The following CNTN5 variants were observed in gnomAD, a reference collection of about 807,000 sequenced individuals.
CNTN5 encodes contactin-5.
CNTN5 carries 77 observed loss-of-function variants against 129.1 expected under a neutral mutation model. That is an observed-to-expected ratio of 0.60 (90% confidence interval 0.50 to 0.72). The LOEUF is 0.72. CNTN5 is among the 30% of genes least tolerant of loss of function. The probability of loss-of-function intolerance (pLI) is 0.00; values close to 1 mark genes in which losing one functional copy is unlikely to be tolerated. For synonymous variants in CNTN5, 509 were observed against 465.6 expected, an observed-to-expected ratio of 1.09 and a Z score of -1.20; for missense variants, 1,478 against 1,328.8, an observed-to-expected ratio of 1.11 and a Z score of -1.75.
chr11:99,275,482 A>G (rs916800913), intron 1 of CNTN5, among the ~76,000 whole-genome samples: 8 of 151,694 alleles, frequency 5.3e-5, no homozygotes, highest in African/African-American at 1.5e-4. Flanking sequence ...AAACCTACCA[A>G]TGAAGTGATT....
At chr11:99,721,750 T>C (rs918922204) in intron 3 of CNTN5, among the ~76,000 whole-genome samples, 2 of 152,112 alleles carry the variant, frequency 1.3e-5, no homozygotes, top group Non-Finnish European at 2.9e-5. Flanking sequence ...AAAGGTCCAA[T>C]ATCCAGCATT....
At chr11:99,445,519 G>A (rs1944026673) in intron 2 of CNTN5, among the ~76,000 whole-genome samples, 1 of 152,088 alleles carries the variant, frequency 6.6e-6, no homozygotes, top group Non-Finnish European at 1.5e-5. Context: ...CTTACTTAGT[G>A]CTGGGCATGT....
chr11:99,035,292 G>C (rs1279659231), intron 1 of CNTN5, among the ~76,000 whole-genome samples: 1 of 149,902 alleles, frequency 6.7e-6, no homozygotes, highest in Non-Finnish European at 1.5e-5. Context: ...AGGTCCGCTT[G>C]GTGCAGAGCT....
At chr11:100,179,464 T>C (rs1022256267) in intron 13 of CNTN5, among the ~76,000 whole-genome samples, 54 of 152,072 alleles carry the variant, frequency 3.6e-4, no homozygotes, top group African/African-American at 1.3e-3. Context: ...TGGTACACAA[T>C]AGTATAAAAC....
intron 6 of CNTN5, among the ~76,000 whole-genome samples, chr11:99,859,935 G>T (rs1294165336): frequency 6.6e-6 from 1 of 152,118 alleles, no homozygotes; most frequent in East Asian, 1.9e-4. Flanking sequence ...TTTCCTCAGT[G>T]GCTGAATGGA....
chr11:100,033,581 T>C (rs187591030), intron 9 of CNTN5, among the ~76,000 whole-genome samples: 7 of 152,186 alleles, frequency 4.6e-5, no homozygotes, highest in Non-Finnish European at 8.8e-5. Flanking sequence ...GCTTATTCTC[T>C]CCAACATCTT....
chr11:99,943,947 T>G (rs1452432028), intron 7 of CNTN5, among the ~76,000 whole-genome samples: 1 of 152,164 alleles, frequency 6.6e-6, no homozygotes, highest in Non-Finnish European at 1.5e-5. Flanking sequence ...CCTTGTAGCA[T>G]AGTTTGAAGT....
intron 18 of CNTN5, among the ~76,000 whole-genome samples, chr11:100,280,161 T>C (rs1328209830): frequency 1.3e-5 from 2 of 151,932 alleles, no homozygotes; most frequent in Non-Finnish European, 2.9e-5. Flanking sequence ...TATTCAGTCA[T>C]TGGATAAAAT....
At chr11:99,246,768 G>C (rs996942179) in intron 1 of CNTN5, among the ~76,000 whole-genome samples, 1 of 151,996 alleles carries the variant, frequency 6.6e-6, no homozygotes, top group Non-Finnish European at 1.5e-5. Flanking sequence ...ACAAAATTCA[G>C]ACTGTGAAAT....
intron 21 of CNTN5, among the ~76,000 whole-genome samples, chr11:100,338,905 T>G (rs1455878535): frequency 6.6e-6 from 1 of 151,828 alleles, no homozygotes; most frequent in East Asian, 1.9e-4. Context: ...AAGCTCTGTG[T>G]GGGGCCTGCA....
At chr11:99,048,814 G>A (rs1282426533) in intron 1 of CNTN5, among the ~76,000 whole-genome samples, 1 of 152,118 alleles carries the variant, frequency 6.6e-6, no homozygotes, top group African/African-American at 2.4e-5. Flanking sequence ...TACATCTTAA[G>A]CCCACATCTT....
chr11:100,350,888 A>C lies in CNTN5; in HGVS notation c.3199+18A>C. The C allele has an allele frequency of 6.6e-7, 1 of 1,525,724 alleles. No homozygotes were observed. 94.5% of individuals were successfully genotyped at this position (1,525,724 alleles called of 1,614,324 possible). On this transcript the variant is annotated intron_variant, in intron 24 of 24. Coordinates refer to ENST00000524871, the MANE Select transcript of CNTN5 (RefSeq NM_014361.4). ...ATATTCAGGTAAGTTTTGACACAGT[A>C]GATTTAATTTGCTGACAACCAACAA...
intron 13 of CNTN5, among the ~76,000 whole-genome samples, chr11:100,134,070 C>T (rs1479356156): frequency 1.3e-5 from 2 of 151,818 alleles, no homozygotes; most frequent in African/African-American, 4.8e-5. Context: ...GCTAAAGATA[C>T]AAATAAATGA....
chr11:100,020,550 A>G (rs140302268), intron 9 of CNTN5, among the ~76,000 whole-genome samples: 24 of 152,174 alleles, frequency 1.6e-4, no homozygotes, highest in Non-Finnish European at 2.8e-4. Context: ...GTAGATTCTG[A>G]GATCAGGAAG....
intron 18 of CNTN5, among the ~76,000 whole-genome samples, chr11:100,296,807 A>G (rs1233005732): frequency 2.6e-5 from 4 of 151,552 alleles, no homozygotes; most frequent in African/African-American, 9.7e-5. Flanking sequence ...GAGTGAATTT[A>G]TTGTTTATGA....
intron 13 of CNTN5, among the ~76,000 whole-genome samples, chr11:100,151,860 C>T (rs1410689662): frequency 1.3e-5 from 2 of 152,086 alleles, no homozygotes; most frequent in Admixed American, 6.6e-5. Flanking sequence ...TCTTAGCTTC[C>T]TGTGTATAGT....
chr11:99,759,973 C>T (rs894408847), intron 3 of CNTN5, among the ~76,000 whole-genome samples: 2 of 151,968 alleles, frequency 1.3e-5, no homozygotes, highest in Non-Finnish European at 2.9e-5. Flanking sequence ...TGAAATGATA[C>T]TTCAGTTTCA....
chr11:99,430,747 A>G (rs1352504276), intron 2 of CNTN5, among the ~76,000 whole-genome samples: 1 of 151,878 alleles, frequency 6.6e-6, no homozygotes, highest in East Asian at 1.9e-4. Flanking sequence ...GGGGGCGGGG[A>G]GAAAAAGACA....
At chr11:99,845,863 A>AG (rs965346036) in intron 6 of CNTN5, among the ~76,000 whole-genome samples, 2 of 152,030 alleles carry the variant, frequency 1.3e-5, no homozygotes, top group Admixed American at 6.5e-5. Flanking sequence ...GCTTCCTATG[A>AG]GAAAAAAAAA....
Sources: gnomAD v4.1 joint callset for allele counts (sites outside exome capture counted in the v4.1 genomes callset) on GRCh38, gnomAD v4.1.1 for gene constraint, MANE v1.5 for transcripts, NCBI Gene and HGNC (gene_info 2026-07-23, HGNC 2026-07-21) for gene names.